MYADML2: variants seen among roughly 807,000 people sequenced by gnomAD.
MYADML2 encodes the protein myeloid-associated differentiation marker-like protein 2.
Under a neutral mutation model 16.0 loss-of-function variants are expected in MYADML2, and 17 were observed. The ratio of observed to expected loss-of-function variants is 1.06; its 90% CI spans 0.73 to 1.60. The LOEUF (loss-of-function observed/expected upper bound fraction) is 1.60, where lower values mean the gene tolerates loss of function less well. Among genes scored for constraint, MYADML2 ranks in the 40% most tolerant of loss-of-function variants. The pLI is 0.00. For missense variants in MYADML2, 422 were observed against 437.7 expected (o/e 0.96, Z 0.32); for synonymous variants, 210 against 208.1 (o/e 1.01, Z -0.08).
intron 1 of MYADML2, among the ~76,000 whole-genome samples, chr17:81,946,458 C>T (rs539254074): frequency 6.6e-6 from 1 of 151,314 alleles, no homozygotes; most frequent in Non-Finnish European, 1.5e-5. Flanking sequence ...ACCATCCTGG[C>T]CAACGTGGTG....
In MYADML2 at chr17:81,944,098, C is replaced by G. The variant is rs559493287; in HGVS notation, c.-180-1725G>C. On this transcript the variant is annotated intron_variant, in intron 1 of 2. Transcript: ENST00000409745. ...TTGCACTCCAGCCTGGGTGACAGAG[C>G]TAGATTCCGTCTCAAAAAAAAAAGG... is the stretch of plus-strand genomic sequence containing the variant. Among the ~76,000 whole-genome samples the G allele has an allele frequency of 2.0e-5, 3 of 146,654 alleles. No individual in the cohort carries two copies. In the South Asian group the frequency reaches 6.5e-4, roughly 32 times the overall value.
chr17:81,941,055 C>G lies in MYADML2; in HGVS notation c.687G>C (p.Arg229=). The G allele has an allele frequency of 6.4e-7, 1 of 1,550,466 alleles. No individual in the cohort carries two copies. The highest frequency in any genetic ancestry group is 8.7e-7 in the Non-Finnish European group (1 of 1,146,990). The change falls in exon 3 of 3, where the codon CGG becomes CGC. Residue 229 remains arginine, a synonymous_variant. Transcript: ENST00000409745. ...HTGGLGCPFD[R]LVVVYTFLAV... is the part of the protein sequence containing the mutation. ...CCAGGAAGGTGTACACCACCACCAG[C>G]CGGTCAAAGGGGCAGCCCAGGCCCC...
intron 1 of MYADML2, among the ~76,000 whole-genome samples, chr17:81,943,959 A>C (rs1049607994): frequency 4.6e-5 from 7 of 151,742 alleles, no homozygotes; most frequent in African/African-American, 1.5e-4. Context: ...AAAATACAAA[A>C]AAATTAGCCA....
chr17:81,945,297 T>G (rs889313010), intron 1 of MYADML2, among the ~76,000 whole-genome samples: 1 of 151,742 alleles, frequency 6.6e-6, no homozygotes, highest in Admixed American at 6.6e-5. Context: ...CCCAGCACTT[T>G]GGGAGGCCAA....
chr17:81,941,019 C>T lies in MYADML2; in HGVS notation c.723G>A (p.Leu241=), dbSNP rs1279826848. The change falls in exon 3 of 3, where the codon CTG becomes CTA. Residue 241 remains leucine (L), a synonymous_variant. Coordinates refer to ENST00000409745, the MANE Select transcript of MYADML2 (RefSeq NM_001145113.3). The stretch of plus-strand genomic sequence containing the variant: ...GCCAGATCACGGCGGCGCTGAGGTA[C>T]AGGAGCACAGCCAGGAAGGTGTACA... ...VVVYTFLAVL[L]YLSAAVIWPV... 3 of 1,550,462 alleles carry T rather than the reference C, an allele frequency of 1.9e-6. No homozygotes were observed. Among genetic ancestry groups the T allele is most frequent in the Admixed American group, 3.9e-5 (2 of 51,008 alleles).
chr17:81,946,078 G>A (rs879365394), intron 1 of MYADML2, among the ~76,000 whole-genome samples: 7 of 152,024 alleles, frequency 4.6e-5, no homozygotes, highest in South Asian at 2.1e-4. Context: ...ATACTGGCCC[G>A]GCGCGGTGGG....
At chr17:81,943,789 T>A (rs35810039) in intron 1 of MYADML2, among the ~76,000 whole-genome samples, 3 of 151,824 alleles carry the variant, frequency 2.0e-5, no homozygotes, top group African/African-American at 7.3e-5. Context: ...TATCCTTGTA[T>A]GTATTTCCTG....
At position 81,941,082 on chromosome 17, in the gene MYADML2, T is replaced by C. The variant is rs1311666875; in HGVS notation, c.660A>G (p.Thr220=). The C allele has an allele frequency of 1.9e-6, 3 of 1,550,210 alleles. No homozygotes were observed. Among genetic ancestry groups the C allele is most frequent in the Non-Finnish European group, 2.6e-6 (3 of 1,146,972 alleles). Residue 220 remains threonine (T), a synonymous_variant, in exon 3 of 3, where the codon ACA becomes ACG. Coordinates refer to ENST00000409745, the MANE Select transcript of MYADML2 (RefSeq NM_001145113.3). ...AVVALSVMGH[T]GGLGCPFDRL... ...GGTCAAAGGGGCAGCCCAGGCCCCC[T>C]GTGTGGCCCATCACACTCAGGGCCA... is the stretch of plus-strand genomic sequence containing the variant.
rs1482937696 is a variant in MYADML2 at position 81,940,023 on chromosome 17, C to G, written c.*795G>C. 2 of 152,332 alleles carry G rather than the reference C, an allele frequency of 1.3e-5. No individual in the cohort carries two copies. The highest frequency in any genetic ancestry group is 2.9e-5 in the Non-Finnish European group (2 of 68,132). The allele number at this position is 152,332 out of a possible 1,614,324, so 9.4% of individuals were successfully genotyped here. The stretch of plus-strand genomic sequence containing the variant: ...TGAGTGTCCAGGTGGGGCTCCGTGG[C>G]TATGGCGGAACCAGGTCCTCCCCGT... On this transcript the variant is annotated 3_prime_UTR_variant, in exon 3 of 3. Coordinates refer to ENST00000409745, the MANE Select transcript of MYADML2 (RefSeq NM_001145113.3).
chr17:81,939,857 G>T lies in MYADML2; in HGVS notation c.*961C>A, dbSNP rs984499624. On this transcript the variant is annotated 3_prime_UTR_variant, in exon 3 of 3. Coordinates refer to ENST00000409745, the MANE Select transcript of MYADML2 (RefSeq NM_001145113.3). Reference sequence around the variant, plus strand: ...CCGGCGTCAGGAGTTTCGGCAACTGGACCCTTGAGCAGAGGCAAGCAGTAC... The same window carrying T: ...CCGGCGTCAGGAGTTTCGGCAACTGTACCCTTGAGCAGAGGCAAGCAGTAC... 2.6e-5 allele frequency: 4 copies of T among 152,330 alleles called. No homozygotes were observed. Among genetic ancestry groups the T allele is most frequent in the African/African-American group, 9.6e-5 (4 of 41,458 alleles). 9.4% of individuals were successfully genotyped at this position (152,330 alleles called of 1,614,324 possible).
intron 1 of MYADML2, among the ~76,000 whole-genome samples, chr17:81,946,166 C>A (rs1157710697): frequency 1.3e-5 from 2 of 151,366 alleles, no homozygotes; most frequent in African/African-American, 4.9e-5. Flanking sequence ...ACCAGCCAGG[C>A]CAACATGGTG....
rs1442803462 is a variant in MYADML2, at chr17:81,941,705, G to A, written c.37C>T (p.Leu13=). The A allele has an allele frequency of 1.9e-6, 3 of 1,541,052 alleles. No individual in the cohort carries two copies. Among genetic ancestry groups the A allele is most frequent in the African/African-American group, 2.7e-5 (2 of 72,808 alleles). Residue 13 remains leucine (L), a synonymous_variant, in exon 3 of 3, where the codon CTG becomes TTG. Transcript: ENST00000409745. ...GGGGATGTCACGGCGCCCAGGTGCA[G>A]GTACGCACCCCCAGGGGGCTCCATG... ...STMEPPGGAY[L]HLGAVTSPVG...
At chr17:81,946,734 G>A (rs1222563235) in intron 1 of MYADML2, among the ~76,000 whole-genome samples, 1 of 152,204 alleles carries the variant, frequency 6.6e-6, no homozygotes, top group East Asian at 1.9e-4. Context: ...ACTGTTGGGA[G>A]GCGGAGGTGG....
At chr17:81,946,986 G>GTAACAA (rs201255077) in intron 1 of MYADML2, 73 bp downstream of exon 1, 1 of 151,094 alleles carries the variant, frequency 6.6e-6, no homozygotes, top group Non-Finnish European at 1.5e-5. Context: ...CAAAATAATA[G>GTAACAA]TAATAATAAT....
rs1329964927 is a variant in MYADML2, at chr17:81,941,070, G to T, written c.672C>A (p.Gly224=). ...CCACCACCAGCCGGTCAAAGGGGCA[G>T]CCCAGGCCCCCTGTGTGGCCCATCA... is the stretch of plus-strand genomic sequence containing the variant. ...LSVMGHTGGL[G]CPFDRLVVVY... Residue 224 remains glycine (G), a synonymous_variant, in exon 3 of 3, where the codon GGC becomes GGA. Transcript: ENST00000409745. 6.4e-7 allele frequency: 1 copy of T among 1,550,394 alleles called. No individual in the cohort carries two copies. Among genetic ancestry groups the T allele is most frequent in the Non-Finnish European group, 8.7e-7 (1 of 1,146,980 alleles).
rs1023241021 is a variant in MYADML2, at chr17:81,941,907, G to A, written c.-102-64C>T. Reference sequence around the variant, plus strand: ...AGCCTCTCTGCTGTCTATGTGAGGCGGCTCCCCCCAGCGCTATAAATAGAC... The same window carrying A: ...AGCCTCTCTGCTGTCTATGTGAGGCAGCTCCCCCCAGCGCTATAAATAGAC... On this transcript the variant is annotated intron_variant, in intron 2 of 2. Transcript: ENST00000409745. 7.4e-5 allele frequency: 48 copies of A among 649,874 alleles called. 1 individual carries two copies. The highest frequency in any genetic ancestry group is 4.3e-4 in the Middle Eastern group (1 of 2,342). The allele number at this position is 649,874 out of a possible 1,614,324, so 40.3% of individuals were successfully genotyped here.
In MYADML2 at chr17:81,940,488, C is replaced by T. The variant is rs1391704595; in HGVS notation, c.*330G>A. ...CCAGCTGCAAAATGGGTCACAACAG[C>T]AGCTGCTTTAAAGTTTTCCCTTATG... On this transcript the variant is annotated 3_prime_UTR_variant, in exon 3 of 3. Coordinates refer to ENST00000409745, the MANE Select transcript of MYADML2 (RefSeq NM_001145113.3). 4 of 281,052 alleles carry T rather than the reference C, an allele frequency of 1.4e-5. No individual in the cohort carries two copies. Among genetic ancestry groups the T allele is most frequent in the African/African-American group, 6.4e-5 (3 of 47,074 alleles). 17.4% of individuals were successfully genotyped at this position (281,052 alleles called of 1,614,324 possible). A position where few individuals can be genotyped will look rare whatever the true frequency, so the allele number is the denominator to read the frequency against.
Position 81,941,679 on chromosome 17 carries a change from A to G in MYADML2, c.63T>C (p.Pro21=). The G allele has an allele frequency of 4.5e-6, 7 of 1,547,584 alleles. No individual in the cohort carries two copies. The highest frequency in any genetic ancestry group is 6.1e-6 in the Non-Finnish European group (7 of 1,145,236). ...AYLHLGAVTS[P]VGTARVLQLA... ...GCTGCAGCACGCGGGCTGTGCCCACAGGGGATGTCACGGCGCCCAGGTGCA... is the reference window on the plus strand; with the variant it reads ...GCTGCAGCACGCGGGCTGTGCCCACGGGGGATGTCACGGCGCCCAGGTGCA... The change falls in exon 3 of 3, where the codon CCT becomes CCC. Residue 21 remains proline, a synonymous_variant. Transcript: ENST00000409745.
rs546464171 is a variant in MYADML2, at chr17:81,942,074, C to T, written c.-103+222G>A. The T allele has an allele frequency of 1.7e-4, 42 of 254,498 alleles. No individual in the cohort carries two copies. Among genetic ancestry groups the T allele is most frequent in the South Asian group, 1.3e-4 (1 of 7,474 alleles). The allele number at this position is 254,498 out of a possible 1,614,324, so 15.8% of individuals were successfully genotyped here. A position where few individuals can be genotyped will look rare whatever the true frequency, so the allele number is the denominator to read the frequency against. ...GCACCACCCCCACCTCCGCCTCCCG[C>T]GCACCTGCATCTGTCAATCCGGTCA... On this transcript the variant is annotated intron_variant, in intron 2 of 2. Transcript: ENST00000409745. This position sits in a 1 kb window ranked among gnomAD's most constrained non-coding sequence, Gnocchi z 4.4.
Sources: allele counts gnomAD v4.1 joint callset (sites outside exome capture counted in the v4.1 genomes callset), GRCh38; gene constraint gnomAD v4.1.1; non-coding constraint Gnocchi (gnomAD v3.1); transcripts MANE v1.5; gene names NCBI Gene and HGNC (gene_info 2026-07-23, HGNC 2026-07-21).